APLF: variants seen among roughly 807,000 people sequenced by gnomAD.
APLF encodes the protein aprataxin and PNK-like factor.
Under a neutral mutation model 55.6 loss-of-function variants are expected in APLF, and 61 were observed. The ratio of observed to expected loss-of-function variants is 1.10; its 90% CI spans 0.89 to 1.36. The LOEUF (loss-of-function observed/expected upper bound fraction) is 1.36, where lower values mean the gene tolerates loss of function less well. APLF is among the 40% of genes most tolerant of loss of function. APLF has a pLI of 0.00. For missense variants in APLF, 611 were observed against 602.5 expected (o/e 1.01, Z -0.15); for synonymous variants, 207 against 214.8 (o/e 0.96, Z 0.32).
intron 8 of APLF, among the ~76,000 whole-genome samples, chr2:68,552,180 G>A (rs1670885088): frequency 6.6e-6 from 1 of 152,108 alleles, no homozygotes; most frequent in Non-Finnish European, 1.5e-5. Flanking sequence ...CTTCCCTCCA[G>A]TGGGACTTTG....
intron 8 of APLF, among the ~76,000 whole-genome samples, chr2:68,564,883 T>C (rs1671257633): frequency 6.6e-6 from 1 of 152,104 alleles, no homozygotes. Context: ...GGAGAGAGGA[T>C]CACTCTTTTC....
At chr2:68,567,758 GT>G (rs1013234948) in intron 9 of APLF, among the ~76,000 whole-genome samples, 2 of 152,028 alleles carry the variant, frequency 1.3e-5, no homozygotes, top group African/African-American at 4.8e-5. Context: ...TGTCAATAGT[GT>G]CCCCAAAGAC....
intron 8 of APLF, 78 bp downstream of exon 8, chr2:68,545,390 T>A: frequency 6.8e-7 from 1 of 1,475,980 alleles, no homozygotes; most frequent in Non-Finnish European, 9.1e-7. Context: ...TGACAGCAGC[T>A]TGTTATCTCA....
At chr2:68,550,318 G>A (rs989593622) in intron 8 of APLF, among the ~76,000 whole-genome samples, 4 of 151,958 alleles carry the variant, frequency 2.6e-5, no homozygotes, top group African/African-American at 7.3e-5. Context: ...TGCAATCTCC[G>A]CCTTCCAGGT....
intron 5 of APLF, among the ~76,000 whole-genome samples, chr2:68,518,219 A>G (rs535529439): frequency 8.3e-6 from 1 of 120,564 alleles, no homozygotes; most frequent in African/African-American, 3.3e-5. Context: ...TATATCGTTA[A>G]TATATAATAG....
rs558848331 is a variant in APLF, at chr2:68,506,916, T to G, written c.341+4013T>G. On this transcript the variant is annotated intron_variant, in intron 3 of 9. Coordinates refer to ENST00000303795, the MANE Select transcript of APLF (RefSeq NM_173545.3). The stretch of plus-strand genomic sequence containing the variant: ...AAAAAGGTTATAAACATATAAAACA[T>G]ACATAATTTCTATAAAATAATGGAT... Among the ~76,000 whole-genome samples the G allele has an allele frequency of 2.6e-5, 4 of 152,066 alleles. No individual in the cohort carries two copies. The East Asian group carries it at 7.8e-4, about 29-fold the overall frequency.
intron 1 of APLF, among the ~76,000 whole-genome samples, chr2:68,479,761 C>T (rs1330138320): frequency 1.3e-5 from 2 of 152,094 alleles, no homozygotes; most frequent in African/African-American, 4.8e-5. Flanking sequence ...CATGTATTTT[C>T]ATAAAGTTAC....
intron 7 of APLF, among the ~76,000 whole-genome samples, chr2:68,542,923 G>C (rs1670596462): frequency 6.6e-6 from 1 of 152,106 alleles, no homozygotes; most frequent in South Asian, 2.1e-4. Flanking sequence ...AAGGAATAAA[G>C]AAAATTTGGT....
chr2:68,468,989 GGTGTGTGTGT>G (rs34695552), intron 1 of APLF, among the ~76,000 whole-genome samples: 3 of 146,762 alleles, frequency 2.0e-5, no homozygotes, highest in Admixed American at 6.8e-5. Flanking sequence ...GTCCTAAAGG[GGTGTGTGTGT>G]GTGTGTGTGT....
rs75958787 is a variant in APLF, at chr2:68,539,954, T to A, written c.1160+1727T>A. 7.8e-3 allele frequency among the ~76,000 whole-genome samples: 1,186 copies of A among 152,204 alleles called. 15 individuals carry two copies. The highest frequency in any genetic ancestry group is 0.027 in the African/African-American group (1,132 of 41,524). On this transcript the variant is annotated intron_variant, in intron 7 of 9. Transcript: ENST00000303795. ...GAGTAGAAAGGAAAAAATAAAACTG[T>A]AATTATTTACAGGTGACATGATTGT...
At chr2:68,555,654 A>G (rs1032489393) in intron 8 of APLF, among the ~76,000 whole-genome samples, 9 of 152,286 alleles carry the variant, frequency 5.9e-5, no homozygotes, top group African/African-American at 2.2e-4. Context: ...ACAATGCAGT[A>G]CCACCCTGCG....
At chr2:68,569,951 G>T (rs1414042870) in intron 9 of APLF, among the ~76,000 whole-genome samples, 5 of 151,864 alleles carry the variant, frequency 3.3e-5, no homozygotes, top group African/African-American at 1.2e-4. Context: ...TTTGAGGTGG[G>T]GGTATCATAA....
intron 1 of APLF, among the ~76,000 whole-genome samples, chr2:68,480,631 C>G (rs1294858012): frequency 6.6e-6 from 1 of 151,808 alleles, no homozygotes; most frequent in Non-Finnish European, 1.5e-5. Flanking sequence ...ATTGCTCTGG[C>G]TAGGACTAAT....
At chr2:68,511,864 TTACTC>T (rs1479352656) in intron 3 of APLF, among the ~76,000 whole-genome samples, 3 of 151,636 alleles carry the variant, frequency 2.0e-5, no homozygotes, top group Non-Finnish European at 3.0e-5. Context: ...GCATAGTAAT[TTACTC>T]TAAGTAAATT....
At chr2:68,559,903 C>T (rs1461910787) in intron 8 of APLF, among the ~76,000 whole-genome samples, 1 of 152,148 alleles carries the variant, frequency 6.6e-6, no homozygotes, top group East Asian at 1.9e-4. Flanking sequence ...TCATGGCTTA[C>T]AAGTTCCCTG....
At chr2:68,523,503 G>T (rs554761301) in intron 5 of APLF, among the ~76,000 whole-genome samples, 1 of 151,838 alleles carries the variant, frequency 6.6e-6, no homozygotes, top group South Asian at 2.1e-4. Flanking sequence ...ATATGTATTT[G>T]TAGATATATT....
At position 68,579,878 on chromosome 2, in the gene APLF, A is replaced by G; in HGVS notation, c.*1856A>G. On this transcript the variant is annotated 3_prime_UTR_variant, in exon 10 of 10. Coordinates refer to ENST00000303795, the MANE Select transcript of APLF (RefSeq NM_173545.3). Reference sequence around the variant, plus strand: ...ATTAGATGGCAGTGATGGTTGCACAACTCTGTAAATATATTACAAACAATG... The same window carrying G: ...ATTAGATGGCAGTGATGGTTGCACAGCTCTGTAAATATATTACAAACAATG... 5.6e-6 allele frequency: 2 copies of G among 358,446 alleles called. No homozygotes were observed. Among genetic ancestry groups the G allele is most frequent in the Non-Finnish European group, 7.8e-6 (2 of 256,960 alleles). The allele number at this position is 358,446 out of a possible 1,614,324, so 22.2% of individuals were successfully genotyped here.
At chr2:68,502,622 C>A in intron 2 of APLF, 109 bp from the exon 3 acceptor site, 1 of 749,344 alleles carries the variant, frequency 1.3e-6, no homozygotes, top group African/African-American at 1.8e-5. Context: ...TTTTTGATAC[C>A]AAAATTATGA....
chr2:68,495,454 C>A (rs987954439), intron 2 of APLF, among the ~76,000 whole-genome samples: 2 of 152,224 alleles, frequency 1.3e-5, no homozygotes, highest in Non-Finnish European at 2.9e-5. Flanking sequence ...ATATCCTGGG[C>A]ACACTGATGC....
Sources: allele counts gnomAD v4.1 joint callset (sites outside exome capture counted in the v4.1 genomes callset), GRCh38; gene constraint gnomAD v4.1.1; transcripts MANE v1.5; gene names NCBI Gene and HGNC (gene_info 2026-07-23, HGNC 2026-07-21).